The following PLSCR2 variants were observed in gnomAD, a reference collection of about 807,000 sequenced individuals.
PLSCR2 encodes phospholipid scramblase 2.
In PLSCR2, 18 loss-of-function variants were observed where a neutral mutation model predicts 25.3. That is an observed-to-expected ratio of 0.71 (90% CI 0.49 to 1.06). The LOEUF is 1.06. Ranked by LOEUF, PLSCR2 falls within the 50% of genes least tolerant of loss-of-function variation. PLSCR2 has a pLI of 0.00. For synonymous variants in PLSCR2, 88 were observed against 87.3 expected (o/e 1.01, Z -0.04); for missense variants, 243 against 269.5 (o/e 0.90, Z 0.69).
intron 2 of PLSCR2, among the ~76,000 whole-genome samples, chr3:146,427,594 C>T (rs182374303): frequency 6.6e-4 from 101 of 152,260 alleles, no homozygotes; most frequent in Non-Finnish European, 9.6e-4. Context: ...TGCAGAGGAC[C>T]GATGTGAACT....
exon 2 of PLSCR2, chr3:146,459,921 G>A: frequency 6.2e-7 from 1 of 1,614,042 alleles, no homozygotes; most frequent in Non-Finnish European, 8.5e-7. Flanking sequence ...TACCCCTTCA[G>A]GTCTACCTGG....
chr3:146,475,344 G>A (rs544000943), intron 1 of PLSCR2, among the ~76,000 whole-genome samples: 7 of 151,882 alleles, frequency 4.6e-5, no homozygotes, highest in Middle Eastern at 3.4e-3. Flanking sequence ...CATTTTGTGG[G>A]GGCCATTTTT....
At chr3:146,411,293 C>T (rs1267515480) in intron 2 of PLSCR2, among the ~76,000 whole-genome samples, 1 of 152,170 alleles carries the variant, frequency 6.6e-6, no homozygotes, top group Non-Finnish European at 1.5e-5. Flanking sequence ...AACCAAGGCT[C>T]AAACCTCTAG....
intron 2 of PLSCR2, among the ~76,000 whole-genome samples, chr3:146,412,767 G>T (rs1019297062): frequency 6.6e-6 from 1 of 152,044 alleles, no homozygotes; most frequent in East Asian, 1.9e-4. Context: ...TCCCCTATTG[G>T]CTAGGGTTGG....
chr3:146,423,282 T>TCTCTCTCTCTC (rs758576585), intron 2 of PLSCR2, among the ~76,000 whole-genome samples: 2 of 100,962 alleles, frequency 2.0e-5, no homozygotes, highest in African/African-American at 3.9e-5. Flanking sequence ...TCTCTCTCTC[T>TCTCTCTCTCTC]CCCTGGCTAG....
chr3:146,469,568 T>A lies in PLSCR2; in HGVS notation c.-292-9284A>T, dbSNP rs1342548346. Reference sequence around the variant, plus strand: ...GCGTGGCTTCCTCCCGTCTGCCCCGTGACTGCCAGGCACACCTGTTGCACA... The same window carrying A: ...GCGTGGCTTCCTCCCGTCTGCCCCGAGACTGCCAGGCACACCTGTTGCACA... On this transcript the variant is annotated intron_variant, in intron 1 of 8. Coordinates refer to the PLSCR2 transcript ENST00000336685. 13 of 985,282 alleles carry A rather than the reference T, an allele frequency of 1.3e-5. No individual in the cohort carries two copies. The highest frequency in any genetic ancestry group is 1.6e-5 in the Non-Finnish European group (13 of 829,908). The allele number at this position is 985,282 out of a possible 1,614,324, so 61.0% of individuals were successfully genotyped here. A position where few individuals can be genotyped will look rare whatever the true frequency, so the allele number is the denominator to read the frequency against.
intron 2 of PLSCR2, among the ~76,000 whole-genome samples, chr3:146,418,349 G>A (rs1395364617): frequency 6.6e-6 from 1 of 152,084 alleles, no homozygotes; most frequent in Non-Finnish European, 1.5e-5. Context: ...CTCATCAGCT[G>A]AAACATCCAA....
intron 2 of PLSCR2, among the ~76,000 whole-genome samples, chr3:146,419,728 T>A (rs2039088080): frequency 6.6e-6 from 1 of 152,082 alleles, no homozygotes; most frequent in Admixed American, 6.6e-5. Flanking sequence ...CCTTGGTTTG[T>A]GGCCTCCTTC....
chr3:146,478,056 G>C (rs926745955), intron 1 of PLSCR2, among the ~76,000 whole-genome samples: 4 of 151,428 alleles, frequency 2.6e-5, no homozygotes, highest in Admixed American at 2.6e-4. Context: ...GAAAGGAATA[G>C]CATCAACATC....
At chr3:146,476,422 C>T (rs1453509713) in intron 1 of PLSCR2, among the ~76,000 whole-genome samples, 1 of 152,218 alleles carries the variant, frequency 6.6e-6, no homozygotes, top group Non-Finnish European at 1.5e-5. Flanking sequence ...TGAGCCCATG[C>T]TACCAGGGCC....
chr3:146,479,841 G>T (rs555338649), intron 1 of PLSCR2, among the ~76,000 whole-genome samples: 1 of 152,232 alleles, frequency 6.6e-6, no homozygotes, highest in Non-Finnish European at 1.5e-5. Context: ...TGGAAGTAAA[G>T]CACTCCTCTG....
At chr3:146,437,746 T>C (rs4597678), downstream of PLSCR2, among the ~76,000 whole-genome samples, 87,594 of 151,908 alleles carry the variant, frequency 0.58, 25,685 homozygotes, top group South Asian at 0.76. Context: ...TTAATTTTTT[T>C]GAAGGGTTTT....
chr3:146,491,089 T>A (rs1350842457), intron 1 of PLSCR2, among the ~76,000 whole-genome samples: 3 of 152,126 alleles, frequency 2.0e-5, no homozygotes, highest in Non-Finnish European at 4.4e-5. Flanking sequence ...AGATATCATT[T>A]CTTCTTCACA....
intron 6 of PLSCR2, among the ~76,000 whole-genome samples, 160 bp downstream of exon 6, chr3:146,449,046 T>A (rs1225934523): frequency 6.6e-6 from 1 of 152,170 alleles, no homozygotes; most frequent in Non-Finnish European, 1.5e-5. Context: ...AAATCCAGAG[T>A]ATCAGAATCA....
downstream of PLSCR2, among the ~76,000 whole-genome samples, chr3:146,432,519 C>T (rs1399747671): frequency 6.6e-6 from 1 of 152,128 alleles, no homozygotes; most frequent in Non-Finnish European, 1.5e-5. Flanking sequence ...GAGCCTAAGA[C>T]ACCATATCTG....
intron 1 of PLSCR2, among the ~76,000 whole-genome samples, chr3:146,468,935 T>C (rs957553321): frequency 6.6e-6 from 1 of 152,228 alleles, no homozygotes; most frequent in African/African-American, 2.4e-5. Context: ...AGAAAGTGGC[T>C]GACAGTCCAC....
At chr3:146,435,860 T>C (rs1447107428) in intron 8 of PLSCR2, among the ~76,000 whole-genome samples, 2 of 152,224 alleles carry the variant, frequency 1.3e-5, no homozygotes, top group Non-Finnish European at 2.9e-5. Context: ...GCCTATGTCC[T>C]GAATGGTATT....
chr3:146,477,453 G>A (rs1035762555), intron 1 of PLSCR2, among the ~76,000 whole-genome samples: 1 of 152,180 alleles, frequency 6.6e-6, no homozygotes, highest in African/African-American at 2.4e-5. Context: ...GGCTCGGCAC[G>A]TCCCACACCC....
intron 6 of PLSCR2, among the ~76,000 whole-genome samples, chr3:146,447,160 T>A (rs1014423851): frequency 6.6e-6 from 1 of 152,320 alleles, no homozygotes; most frequent in African/African-American, 2.4e-5. Flanking sequence ...ACATGGACTC[T>A]AGAGCCCACT....
Sources: gnomAD v4.1 joint callset for allele counts (sites outside exome capture counted in the v4.1 genomes callset) on GRCh38, gnomAD v4.1.1 for gene constraint, MANE v1.5 for transcripts, NCBI Gene and HGNC (gene_info 2026-07-23, HGNC 2026-07-21) for gene names.